SPOCD1: variants seen among roughly 807,000 people sequenced by gnomAD.
The protein encoded by SPOCD1 is SPOC domain-containing protein 1.
Under a neutral mutation model 92.2 loss-of-function variants are expected in SPOCD1, and 64 were observed. The observed-to-expected ratio is 0.69, with a 90% CI of 0.57 to 0.86. SPOCD1 has a LOEUF of 0.86. Among genes scored for constraint, SPOCD1 ranks in the 40% least tolerant of loss-of-function variants. The pLI, the probability that SPOCD1 is intolerant of heterozygous loss-of-function variation, is 0.00. For synonymous variants in SPOCD1, 578 were observed against 619.3 expected (o/e 0.93, Z 0.99); for missense variants, 1,360 against 1,543.1 (o/e 0.88, Z 1.99).
In SPOCD1 at chr1:31,800,613, C is replaced by A. The variant is rs1401052762; in HGVS notation, c.1430G>T (p.Gly477Val). 6.2e-7 allele frequency: 1 copy of A among 1,603,150 alleles called. No homozygotes were observed. Among genetic ancestry groups the A allele is most frequent in the Admixed American group, 1.7e-5 (1 of 59,328 alleles). ...PHGVKLVCYLGSGPVIQLLGA... is the reference protein window; with the variant it reads ...PHGVKLVCYLVSGPVIQLLGA... ...CAGGAGCTGGATCACTGGCCCGGAA[C>A]CCAGCTGCGGGGGAGATCGCACTTC... The change falls in exon 4 of 16, where the codon GGT (glycine) becomes GTT (valine). Residue 477 changes from glycine (G) to valine (V), a missense_variant. Gly to Val is a moderately radical substitution (Grantham distance 109, BLOSUM62 -3). Around this residue, in one of 3 missense-constraint regions of SPOCD1, gnomAD observed 606 missense variants for 601.5 expected, o/e 1.01. Coordinates refer to ENST00000360482, the MANE Select transcript of SPOCD1 (RefSeq NM_144569.7).
At position 31,815,323 on chromosome 1, in the gene SPOCD1, G is replaced by C. The variant is rs565251096; in HGVS notation, c.11C>G (p.Ala4Gly). The part of the protein sequence containing the change: MSQ[A>G]GDVEGPSTGD... ...TGTGCTGGGGCCTTCTACGTCCCCC[G>C]CCTGGGACATGTCTGTCCACCTACC... The change falls in exon 2 of 16, where the codon GCG becomes GGG. Residue 4 changes from alanine (A) to glycine (G), a missense_variant. Ala to Gly is a moderately conservative substitution (Grantham distance 60). Transcript: ENST00000360482. 3.9e-6 allele frequency: 6 copies of C among 1,546,182 alleles called. No homozygotes were observed. Among genetic ancestry groups the C allele is most frequent in the African/African-American group, 2.7e-5 (2 of 72,984 alleles).
intron 6 of SPOCD1, 113 bp downstream of exon 6, chr1:31,799,696 G>A: frequency 7.3e-7 from 1 of 1,363,028 alleles, no homozygotes; most frequent in Non-Finnish European, 1.0e-6. Flanking sequence ...AGGCTGATGG[G>A]ATGTGGGGAG....
chr1:31,815,954 C>G lies in SPOCD1; in HGVS notation c.-40+7G>C, dbSNP rs1649538212. ...AATCCGGGCCCCATCGGTCGCGTCG[C>G]TCTCACCTGGGCTTCCCTGAGTTTT... On this transcript the variant is annotated splice_region_variant and intron_variant, in intron 1 of 15. Coordinates refer to ENST00000360482, the MANE Select transcript of SPOCD1 (RefSeq NM_144569.7). 1 of 152,416 alleles carries G rather than the reference C, an allele frequency of 6.6e-6. No homozygotes were observed. The highest frequency in any genetic ancestry group is 2.1e-4 in the South Asian group (1 of 4,840). The allele number at this position is 152,416 out of a possible 1,614,324, so 9.4% of individuals were successfully genotyped here. A position where few individuals can be genotyped will look rare whatever the true frequency, so the allele number is the denominator to read the frequency against.
At chr1:31,791,330 T>TCC in intron 15 of SPOCD1, 39 bp from the exon 16 acceptor site, 1 of 1,440,146 alleles carries the variant, frequency 6.9e-7, no homozygotes, top group Non-Finnish European at 9.2e-7. Context: ...CTGCAGCAGA[T>TCC]CTGGAGCCTA....
intron 2 of SPOCD1, among the ~76,000 whole-genome samples, chr1:31,805,604 C>T (rs1446809696): frequency 2.0e-5 from 3 of 151,754 alleles, no homozygotes; most frequent in Non-Finnish European, 4.4e-5. Context: ...GGCATGCACC[C>T]GTAGTCCCAG....
At chr1:31,791,342 A>G (rs371790188) in intron 15 of SPOCD1, 51 bp from the exon 16 acceptor site, 8 of 1,399,260 alleles carry the variant, frequency 5.7e-6, no homozygotes, top group African/African-American at 1.5e-5. Context: ...TGGAGCCTAC[A>G]TCCCAGGAAG....
Position 31,815,359 on chromosome 1 carries a change from G to A in SPOCD1, c.-26C>T, listed in dbSNP as rs774062657. ...GTCTGTCCACCTACCTGGGCCAAAA[G>A]CACAACACGGGCCCTGTGTGGAGAC... On this transcript the variant is annotated 5_prime_UTR_variant, in exon 2 of 16. Coordinates refer to ENST00000360482, the MANE Select transcript of SPOCD1 (RefSeq NM_144569.7). 6.6e-7 allele frequency: 1 copy of A among 1,516,328 alleles called. No individual in the cohort carries two copies. The highest frequency in any genetic ancestry group is 8.8e-7 in the Non-Finnish European group (1 of 1,131,296). 93.9% of individuals were successfully genotyped at this position (1,516,328 alleles called of 1,614,324 possible). A position where few individuals can be genotyped will look rare whatever the true frequency, so the allele number is the denominator to read the frequency against.
chr1:31,813,305 G>C (rs990769924), intron 2 of SPOCD1, among the ~76,000 whole-genome samples: 1 of 152,176 alleles, frequency 6.6e-6, no homozygotes, highest in South Asian at 2.1e-4. Flanking sequence ...GTCTTGCTCT[G>C]TCACCAGGCT....
chr1:31,790,683 G>C lies in SPOCD1; in HGVS notation c.3571C>G (p.Pro1191Ala), dbSNP rs1280070027. ...GAGGAGTCACGGGCTGGGCCAGGGG[G>C]CTCTGGAGCTGCAAGGGCGCTAGAC... ...RLSSALAAPEPPGPARDSSLG... is the reference protein window; with the variant it reads ...RLSSALAAPEAPGPARDSSLG... Residue 1191 changes from proline (P) to alanine (A), a missense_variant, in exon 16 of 16, where the codon CCC becomes GCC. Transcript: ENST00000360482. 6.4e-7 allele frequency: 1 copy of C among 1,551,816 alleles called. No homozygotes were observed. The highest frequency in any genetic ancestry group is 2.4e-5 in the East Asian group (1 of 40,962).
In SPOCD1 at chr1:31,798,293, C is replaced by T; in HGVS notation, c.2059G>A (p.Val687Ile). The T allele has an allele frequency of 6.2e-7, 1 of 1,613,962 alleles. No homozygotes were observed. Among genetic ancestry groups the T allele is most frequent in the Non-Finnish European group, 8.5e-7 (1 of 1,179,996 alleles). Residue 687 changes from valine to isoleucine, a missense_variant, in exon 9 of 16, where the codon GTC becomes ATC. Transcript: ENST00000360482. This position sits in a 1 kb window ranked among gnomAD's most constrained non-coding sequence, Gnocchi z 4.1. ...DLFLKVVHGDVTPYDLVRMSS... is the reference protein window; with the variant it reads ...DLFLKVVHGDITPYDLVRMSS... ...ATCCGCACCAGGTCGTAGGGGGTGACATCTCCATGAACCACTTTGAGAAAC... is the reference window on the plus strand; with the variant it reads ...ATCCGCACCAGGTCGTAGGGGGTGATATCTCCATGAACCACTTTGAGAAAC...
Position 31,814,913 on chromosome 1 carries a change from C to G in SPOCD1, c.421G>C (p.Gly141Arg). 1 of 1,613,858 alleles carries G rather than the reference C, an allele frequency of 6.2e-7. No individual in the cohort carries two copies. Among genetic ancestry groups the G allele is most frequent in the Non-Finnish European group, 8.5e-7 (1 of 1,180,008 alleles). The change falls in exon 2 of 16, where the codon GGC (glycine) becomes CGC (arginine). Residue 141 changes from glycine (G) to arginine (R), a missense_variant. By Grantham distance (125) the Gly-to-Arg change is moderately radical (BLOSUM62 -2). This residue lies in a region of SPOCD1 where 140 missense variants were observed against 183.8 expected (regional missense o/e 0.76). Transcript: ENST00000360482. This position sits in a 1 kb window ranked among gnomAD's most constrained non-coding sequence, Gnocchi z 4.2. ...CAGGCCAGAGCTCTCTCTGGGAGGC[C>G]AGCAGACCTGCTACAAAGTTTCCTG... is the stretch of plus-strand genomic sequence containing the variant. ...CPRKLCSRSAGLPERALACRE... is the reference protein window; with the variant it reads ...CPRKLCSRSARLPERALACRE...
intron 2 of SPOCD1, among the ~76,000 whole-genome samples, chr1:31,804,534 C>G (rs1488659754): frequency 6.6e-6 from 1 of 151,812 alleles, no homozygotes; most frequent in Non-Finnish European, 1.5e-5. Flanking sequence ...AATTGTGGAC[C>G]CAGACAAAAT....
intron 5 of SPOCD1, 35 bp downstream of exon 5, chr1:31,799,981 T>C (rs1459043342): frequency 1.2e-6 from 2 of 1,610,712 alleles, no homozygotes; most frequent in Admixed American, 3.4e-5. Flanking sequence ...CATGCTCCAG[T>C]GAAGGAGGCA....
At chr1:31,805,975 T>C (rs1429963469) in intron 2 of SPOCD1, among the ~76,000 whole-genome samples, 1 of 152,140 alleles carries the variant, frequency 6.6e-6, no homozygotes, top group Non-Finnish European at 1.5e-5. Context: ...GCTATATTAA[T>C]AATCAGATAA....
rs778342196 is a variant in SPOCD1 at position 31,792,707 on chromosome 1, G to A, written c.2746C>T (p.Leu916=). Residue 916 remains leucine (L), a synonymous_variant, in exon 14 of 16, where the codon CTG becomes TTG. Coordinates refer to ENST00000360482, the MANE Select transcript of SPOCD1 (RefSeq NM_144569.7). ...GCCTTGGCTGGGCAGATGCTGGCCA[G>A]AAGGTCCCAGACAATGTTGGAGGGG... The part of the protein sequence containing the change: ...CIPSNIVWDL[L]ASICPAKAKD... The A allele has an allele frequency of 1.4e-5, 23 of 1,606,946 alleles. No individual in the cohort carries two copies. The highest frequency in any genetic ancestry group is 1.7e-5 in the Non-Finnish European group (20 of 1,177,250).
chr1:31,801,627 G>A (rs1442132713), intron 3 of SPOCD1, 37 bp downstream of exon 3: 21 of 1,606,582 alleles, frequency 1.3e-5, no homozygotes, highest in African/African-American at 4.0e-5. Flanking sequence ...CTGAGGCAAG[G>A]GAGAAAGAAA....
At position 31,813,945 on chromosome 1, in the gene SPOCD1, G is replaced by T; in HGVS notation, c.1383+6C>A. On this transcript the variant is annotated splice_donor_region_variant and intron_variant, in intron 2 of 15. Transcript: ENST00000360482. ...TTCCTATCCCAAACTCTCAGACTCA[G>T]CTCACCAGTCTGGGGCAGCCTCCTG... The T allele has an allele frequency of 6.6e-7, 1 of 1,507,600 alleles. No homozygotes were observed. The highest frequency in any genetic ancestry group is 8.9e-7 in the Non-Finnish European group (1 of 1,124,924). 93.4% of individuals were successfully genotyped at this position (1,507,600 alleles called of 1,614,324 possible).
chr1:31,806,346 T>G (rs758298879), intron 2 of SPOCD1, among the ~76,000 whole-genome samples: 1 of 152,108 alleles, frequency 6.6e-6, no homozygotes, highest in African/African-American at 2.4e-5. Flanking sequence ...TATATAAAAA[T>G]TGAGCAAAGC....
chr1:31,793,202 G>GA lies in SPOCD1; in HGVS notation c.2685+75dup, dbSNP rs957433984. On this transcript the variant is annotated intron_variant, in intron 13 of 15. Transcript: ENST00000360482. Reference sequence around the variant, plus strand: ...ATGAATTGTTTTAGAATGCATGAGTGAAAGAGAGAGAGAGAGAGAGGCTGC... The same window carrying GA: ...ATGAATTGTTTTAGAATGCATGAGTGAAAAGAGAGAGAGAGAGAGAGGCTGC... 5.4e-6 allele frequency: 8 copies of GA among 1,469,446 alleles called. No individual in the cohort carries two copies. The African/African-American group carries it at 7.0e-5, about 13-fold the overall frequency. 91.0% of individuals were successfully genotyped at this position (1,469,446 alleles called of 1,614,324 possible).
Sources: gnomAD v4.1 joint callset for allele counts (sites outside exome capture counted in the v4.1 genomes callset) on GRCh38, gnomAD v4.1.1 for gene constraint, gnomAD v4.1.1 regional missense constraint, Gnocchi (gnomAD v3.1) non-coding constraint, MANE v1.5 for transcripts, NCBI Gene and HGNC (gene_info 2026-07-23, HGNC 2026-07-21) for gene names.